Variants in YES1 observed in about 807,000 individuals in gnomAD.
YES1 encodes the protein tyrosine-protein kinase Yes.
A neutral mutation model predicts 70.4 loss-of-function variants in YES1; 39 were observed. The observed-to-expected ratio is 0.55, with a 90% CI of 0.43 to 0.72. YES1 has a LOEUF of 0.72. Among genes scored for constraint, YES1 ranks in the 30% least tolerant of loss-of-function variants. YES1 has a pLI of 0.00. For missense variants in YES1, 495 were observed against 644.8 expected, an observed-to-expected ratio of 0.77 and a Z score of 2.52; for synonymous variants, 198 against 218.6, an observed-to-expected ratio of 0.91 and a Z score of 0.83.
chr18:736,784 G>C (rs761617938), intron 10 of YES1, 24 bp downstream of exon 10: 1 of 1,605,610 alleles, frequency 6.2e-7, no homozygotes, highest in Non-Finnish European at 8.5e-7. Flanking sequence ...CACATTACAA[G>C]CTTTTATGTA....
chr18:723,626 G>C lies in YES1; in HGVS notation c.*798C>G, dbSNP rs1598879833. ...CTAAAGATCAAAACATTTCCCCTTT[G>C]ATTGGACAGTAGTTTCAATTATATA... On this transcript the variant is annotated 3_prime_UTR_variant, in exon 12 of 12. Coordinates refer to ENST00000314574, the MANE Select transcript of YES1 (RefSeq NM_005433.4). 6.6e-6 allele frequency: 1 copy of C among 152,590 alleles called. No individual in the cohort carries two copies. Among genetic ancestry groups the C allele is most frequent in the East Asian group, 1.9e-4 (1 of 5,196 alleles). The allele number at this position is 152,590 out of a possible 1,614,324, so 9.5% of individuals were successfully genotyped here.
chr18:787,926 G>C (rs959948548), intron 1 of YES1: 2 of 152,150 alleles, frequency 1.3e-5, no homozygotes, highest in Admixed American at 6.5e-5. Flanking sequence ...GTGAAGACTT[G>C]ATAATGCTCT....
At chr18:739,883 A>C in intron 8 of YES1, 72 bp from the exon 9 acceptor site, 1 of 1,121,000 alleles carries the variant, frequency 8.9e-7, no homozygotes, top group African/African-American at 1.6e-5. Context: ...ATACTCCTCC[A>C]CCCCAAATCA....
At chr18:755,929 C>A (rs1312262268) in intron 2 of YES1, among the ~76,000 whole-genome samples, 1 of 152,024 alleles carries the variant, frequency 6.6e-6, no homozygotes, top group African/African-American at 2.4e-5. Flanking sequence ...TTTTAAGAGC[C>A]TTCTGTCTCC....
rs543518133 is a variant in YES1 at position 798,091 on chromosome 18, A to G, written c.-9+14023T>C. 5.3e-4 allele frequency: 80 copies of G among 152,344 alleles called. 1 individual carries two copies. The highest frequency in any genetic ancestry group is 1.5e-3 in the African/African-American group (61 of 41,584). The allele number at this position is 152,344 out of a possible 1,614,324, so 9.4% of individuals were successfully genotyped here. ...AGTGCAATGGATGAGCCTCACTCTG[A>G]GAACCACCTTCATGATCATGGTATC... On this transcript the variant is annotated intron_variant, in intron 1 of 11. Transcript: ENST00000314574.
chr18:760,032 C>T (rs1474003702), intron 1 of YES1, among the ~76,000 whole-genome samples: 2 of 152,126 alleles, frequency 1.3e-5, no homozygotes, highest in African/African-American at 2.4e-5. Context: ...CTACAAAGGA[C>T]GTGAACTCAT....
chr18:799,586 C>T (rs751278344), intron 1 of YES1, among the ~76,000 whole-genome samples: 33 of 151,976 alleles, frequency 2.2e-4, no homozygotes, highest in Non-Finnish European at 4.9e-4. Flanking sequence ...GGTGCATGCC[C>T]GTAATGAGCA....
chr18:736,980 A>G lies in YES1; in HGVS notation c.1138-19T>C. ...CAGCAATCTTGGAAAGAGAAAAACA[A>G]AAAACACAAGACATACGATACAAAG... is the stretch of plus-strand genomic sequence containing the variant. On this transcript the variant is annotated intron_variant, in intron 9 of 11. Coordinates refer to ENST00000314574, the MANE Select transcript of YES1 (RefSeq NM_005433.4). The G allele has an allele frequency of 6.3e-7, 1 of 1,593,060 alleles. No homozygotes were observed. Among genetic ancestry groups the G allele is most frequent in the Non-Finnish European group, 8.5e-7 (1 of 1,173,416 alleles).
intron 1 of YES1, among the ~76,000 whole-genome samples, chr18:772,287 C>A (rs975051180): frequency 8.6e-5 from 13 of 151,436 alleles, no homozygotes; most frequent in Non-Finnish European, 1.9e-4. Flanking sequence ...CTTCGGCCTC[C>A]CAAAGTGCTG....
At position 722,062 on chromosome 18, in the gene YES1, C is replaced by CATT. The variant is rs1598877890; in HGVS notation, c.*2359_*2361dup. ...ATTGTTATTATATAAGGAACTGCTCCATTCAGTTAAAACCTAATGAATACC... is the reference window on the plus strand; with the variant it reads ...ATTGTTATTATATAAGGAACTGCTCCATTATTCAGTTAAAACCTAATGAATACC... On this transcript the variant is annotated 3_prime_UTR_variant, in exon 12 of 12. Coordinates refer to ENST00000314574, the MANE Select transcript of YES1 (RefSeq NM_005433.4). The CATT allele has an allele frequency of 1.3e-5, 2 of 152,734 alleles. No homozygotes were observed. The highest frequency in any genetic ancestry group is 3.9e-4 in the East Asian group (2 of 5,192). 9.5% of individuals were successfully genotyped at this position (152,734 alleles called of 1,614,324 possible).
chr18:739,700 T>C (rs2080194533), intron 9 of YES1, 35 bp downstream of exon 9: 1 of 1,487,468 alleles, frequency 6.7e-7, no homozygotes, highest in East Asian at 2.3e-5. Flanking sequence ...ATTTACACTT[T>C]TAATTCAAAT....
chr18:746,188 T>G (rs1309155979), intron 4 of YES1, 137 bp from the exon 5 acceptor site: 1 of 636,188 alleles, frequency 1.6e-6, no homozygotes, highest in Non-Finnish European at 2.8e-6. Context: ...TACAGGAAAA[T>G]GTAAGAGTTT....
At position 722,748 on chromosome 18, in the gene YES1, C is replaced by T. The variant is rs1467959089; in HGVS notation, c.*1676G>A. 2.0e-5 allele frequency: 3 copies of T among 152,174 alleles called. No individual in the cohort carries two copies. The highest frequency in any genetic ancestry group is 7.2e-5 in the African/African-American group (3 of 41,442). 9.4% of individuals were successfully genotyped at this position (152,174 alleles called of 1,614,324 possible). ...AATAAGTTTTCCTCCCCAAATCAAC[C>T]ATTTAATGTATTCTAAAAGGGAAAA... On this transcript the variant is annotated 3_prime_UTR_variant, in exon 12 of 12. Transcript: ENST00000314574.
At chr18:768,432 C>T (rs561468322) in intron 1 of YES1, among the ~76,000 whole-genome samples, 1 of 152,210 alleles carries the variant, frequency 6.6e-6, no homozygotes, top group South Asian at 2.1e-4. Flanking sequence ...TTTATTTGGG[C>T]ATTTACAGAC....
At chr18:749,702 C>G (rs1211582934) in intron 3 of YES1, among the ~76,000 whole-genome samples, 1 of 149,412 alleles carries the variant, frequency 6.7e-6, no homozygotes, top group Non-Finnish European at 1.5e-5. Flanking sequence ...AAAAAAAAAA[C>G]AAAAAAAATT....
chr18:754,403 C>T (rs1223233431), intron 2 of YES1, among the ~76,000 whole-genome samples: 2 of 151,980 alleles, frequency 1.3e-5, no homozygotes, highest in African/African-American at 4.8e-5. Context: ...GGGTCATTCT[C>T]ACTTATCAAA....
intron 11 of YES1, among the ~76,000 whole-genome samples, chr18:726,213 C>G (rs1241738899): frequency 6.6e-6 from 1 of 151,988 alleles, no homozygotes; most frequent in African/African-American, 2.4e-5. Flanking sequence ...ATCACGAGGT[C>G]AAGAGATTGA....
At chr18:750,021 G>A (rs796163902) in intron 3 of YES1, among the ~76,000 whole-genome samples, 13 of 152,270 alleles carry the variant, frequency 8.5e-5, no homozygotes, top group African/African-American at 3.1e-4. Flanking sequence ...TAGGAAGATA[G>A]ATATGGGATT....
intron 6 of YES1, among the ~76,000 whole-genome samples, chr18:743,820 C>T (rs1011723755): frequency 3.3e-5 from 5 of 151,272 alleles, no homozygotes; most frequent in African/African-American, 1.2e-4. Context: ...GCAGATGGAT[C>T]GCATGAACCC....
Sources: allele counts gnomAD v4.1 joint callset (sites outside exome capture counted in the v4.1 genomes callset), GRCh38; gene constraint gnomAD v4.1.1; transcripts MANE v1.5; gene names NCBI Gene and HGNC (gene_info 2026-07-23, HGNC 2026-07-21).